RSRC1: variants seen among roughly 807,000 people sequenced by gnomAD.
The protein encoded by RSRC1 is arginine and serine rich coiled-coil 1, also known as serine/Arginine-related protein 53.
RSRC1 carries 39 observed loss-of-function variants against 49.1 expected under a neutral mutation model. The observed-to-expected ratio is 0.79, with a 90% confidence interval of 0.61 to 1.04. The LOEUF (loss-of-function observed/expected upper bound fraction) is 1.04. Ranked by LOEUF, RSRC1 falls within the 50% of genes least tolerant of loss-of-function variation. RSRC1 has a pLI of 0.00. For synonymous variants in RSRC1, 143 were observed against 130.8 expected, an observed-to-expected ratio of 1.09 and a Z score of -0.63; for missense variants, 388 against 402.4, an observed-to-expected ratio of 0.96 and a Z score of 0.31.
chr3:158,287,660 G>A (rs1338612226), intron 4 of RSRC1, among the ~76,000 whole-genome samples: 3 of 152,084 alleles, frequency 2.0e-5, no homozygotes, highest in Non-Finnish European at 1.5e-5. Flanking sequence ...ACAACCGGAA[G>A]CTATTTACAA....
At chr3:158,229,108 G>A (rs62644679) in intron 4 of RSRC1, among the ~76,000 whole-genome samples, 2 of 53,610 alleles carry the variant, frequency 3.7e-5, no homozygotes, top group Non-Finnish European at 8.2e-5. Flanking sequence ...ACGTGTATAT[G>A]TGTATATAAA....
At chr3:158,308,737 A>T (rs984171004) in intron 5 of RSRC1, among the ~76,000 whole-genome samples, 19 of 152,066 alleles carry the variant, frequency 1.2e-4, no homozygotes, top group Middle Eastern at 3.4e-3. Context: ...GCATGGAGGA[A>T]ATTAAATCGG....
At chr3:158,468,392 A>G (rs1737984030) in intron 7 of RSRC1, among the ~76,000 whole-genome samples, 1 of 152,210 alleles carries the variant, frequency 6.6e-6, no homozygotes, top group East Asian at 1.9e-4. Context: ...TAGCAGCATT[A>G]TCTTGATTCT....
chr3:158,544,349 CT>C lies in RSRC1; in HGVS notation c.*79del. 1 of 911,382 alleles carries C rather than the reference CT, an allele frequency of 1.1e-6. No homozygotes were observed. The allele number at this position is 911,382 out of a possible 1,614,324, so 56.5% of individuals were successfully genotyped here. ...TTAGGTTTTTAAATCCCAATATTAA[CT>C]TTTTACTCTTAAAAAGAATTTTGCT... On this transcript the variant is annotated 3_prime_UTR_variant, in exon 10 of 10. Transcript: ENST00000611884.
At chr3:158,415,772 T>G (rs996664418) in intron 6 of RSRC1, among the ~76,000 whole-genome samples, 2 of 152,074 alleles carry the variant, frequency 1.3e-5, no homozygotes, top group Admixed American at 1.3e-4. Flanking sequence ...CTGGCAAGAC[T>G]AATACTTTAT....
chr3:158,261,077 G>C (rs908610570), intron 4 of RSRC1, among the ~76,000 whole-genome samples: 2 of 152,168 alleles, frequency 1.3e-5, no homozygotes, highest in South Asian at 2.1e-4. Flanking sequence ...TTTTTGTGTG[G>C]ATAGTTGTTT....
At chr3:158,305,251 C>T (rs1727772415) in intron 5 of RSRC1, among the ~76,000 whole-genome samples, 1 of 151,234 alleles carries the variant, frequency 6.6e-6, no homozygotes, top group African/African-American at 2.4e-5. Flanking sequence ...GGCAGGCTAA[C>T]GTTTAAAAAA....
At chr3:158,418,087 A>G (rs757216049) in intron 6 of RSRC1, among the ~76,000 whole-genome samples, 53 of 152,022 alleles carry the variant, frequency 3.5e-4, no homozygotes, top group Non-Finnish European at 1.5e-4. Context: ...TGGTAAACAC[A>G]CAAGTGTTAT....
intron 5 of RSRC1, among the ~76,000 whole-genome samples, chr3:158,341,833 G>A (rs968163482): frequency 1.4e-4 from 21 of 152,226 alleles, no homozygotes; most frequent in South Asian, 4.2e-4. Context: ...GGCTGTACCA[G>A]GCAAAGTCAC....
chr3:158,405,367 C>T (rs1427893596), intron 6 of RSRC1, among the ~76,000 whole-genome samples: 1 of 151,980 alleles, frequency 6.6e-6, no homozygotes, highest in Admixed American at 6.6e-5. Flanking sequence ...ACATTGGTGC[C>T]TGTGTGAATT....
At chr3:158,272,921 C>T (rs960977592) in intron 4 of RSRC1, among the ~76,000 whole-genome samples, 7 of 151,698 alleles carry the variant, frequency 4.6e-5, no homozygotes, top group African/African-American at 1.7e-4. Context: ...TTTTTCTGAA[C>T]TAAAGGAGAA....
At chr3:158,368,040 AG>A (rs1305785983) in intron 6 of RSRC1, among the ~76,000 whole-genome samples, 2 of 108,166 alleles carry the variant, frequency 1.8e-5, no homozygotes. Flanking sequence ...GACGTTTAGT[AG>A]GAAAAAAAAA....
chr3:158,314,898 G>A (rs1237637849), intron 5 of RSRC1, among the ~76,000 whole-genome samples: 2 of 152,128 alleles, frequency 1.3e-5, no homozygotes, highest in African/African-American at 4.8e-5. Context: ...CGAGCGTGGT[G>A]GCAAATGCTT....
At chr3:158,229,069 C>CACACAT (rs776121223) in intron 4 of RSRC1, among the ~76,000 whole-genome samples, 1 of 108,460 alleles carries the variant, frequency 9.2e-6, no homozygotes, top group African/African-American at 3.2e-5. Context: ...TGTGTATAAA[C>CACACAT]ACGTGTATAT....
At chr3:158,126,694 T>G (rs1715648239) in intron 3 of RSRC1, among the ~76,000 whole-genome samples, 1 of 152,158 alleles carries the variant, frequency 6.6e-6, no homozygotes, top group Non-Finnish European at 1.5e-5. Context: ...TTCATGTACT[T>G]TTGTGTTGCT....
intron 5 of RSRC1, among the ~76,000 whole-genome samples, chr3:158,314,808 A>T (rs1469777920): frequency 2.6e-5 from 4 of 152,348 alleles, no homozygotes; most frequent in Non-Finnish European, 1.5e-5. Context: ...ATATGAGTAA[A>T]GTTCGAGACC....
intron 1 of RSRC1, among the ~76,000 whole-genome samples, chr3:158,119,503 G>T (rs1578101666): frequency 6.6e-6 from 1 of 152,052 alleles, no homozygotes; most frequent in Non-Finnish European, 1.5e-5. Flanking sequence ...ATTTGTTTGT[G>T]AGGAACATTC....
chr3:158,423,513 A>G (rs1302367866), intron 6 of RSRC1, among the ~76,000 whole-genome samples: 2 of 152,150 alleles, frequency 1.3e-5, no homozygotes, highest in Non-Finnish European at 2.9e-5. Flanking sequence ...GGTAGTGTGG[A>G]TGCCTCCAGC....
chr3:158,288,041 C>T (rs1157045332), intron 4 of RSRC1, among the ~76,000 whole-genome samples: 2 of 151,868 alleles, frequency 1.3e-5, no homozygotes, highest in African/African-American at 4.8e-5. Flanking sequence ...TTTGTTTTTT[C>T]GTAATGAACA....
Sources: allele counts gnomAD v4.1 joint callset (sites outside exome capture counted in the v4.1 genomes callset), GRCh38; gene constraint gnomAD v4.1.1; transcripts MANE v1.5; gene names NCBI Gene and HGNC (gene_info 2026-07-23, HGNC 2026-07-21).